Variants in VPS41 observed in about 807,000 individuals in gnomAD.
The protein encoded by VPS41 is vacuolar protein sorting-associated protein 41 homolog.
In VPS41, 85 loss-of-function variants were observed where a neutral mutation model predicts 130.9. The observed-to-expected ratio is 0.65, with a 90% CI of 0.55 to 0.78. VPS41 has a LOEUF of 0.78. VPS41 is among the 30% of genes least tolerant of loss of function. The probability of loss-of-function intolerance (pLI) is 0.00; values close to 1 mark genes in which losing one functional copy is unlikely to be tolerated. For missense variants in VPS41, 874 were observed against 1,018.7 expected (o/e 0.86, Z 1.93); for synonymous variants, 335 against 332.9 (o/e 1.01, Z -0.07).
chr7:38,728,689 C>T lies in VPS41; in HGVS notation c.2359+3G>A, dbSNP rs758282791. The T allele has an allele frequency of 6.2e-7, 1 of 1,614,074 alleles. No homozygotes were observed. Among genetic ancestry groups the T allele is most frequent in the Admixed American group, 1.7e-5 (1 of 60,014 alleles). On this transcript the variant is annotated splice_donor_region_variant and intron_variant, in intron 26 of 28. Coordinates refer to ENST00000310301, the MANE Select transcript of VPS41 (RefSeq NM_014396.4). ...TCCATATGATTATTTCAATTTTACC[C>T]ACCATCAACAAGAACACCTTTCATT...
At chr7:38,825,514 A>G (rs1785254378) in intron 5 of VPS41, among the ~76,000 whole-genome samples, 1 of 152,156 alleles carries the variant, frequency 6.6e-6, no homozygotes, top group African/African-American at 2.4e-5. Context: ...CTGTAAAGGG[A>G]ATCCCTCCGC....
At chr7:38,819,370 C>T (rs6968196) in intron 6 of VPS41, among the ~76,000 whole-genome samples, 91,617 of 152,044 alleles carry the variant, frequency 0.6, 28,366 homozygotes, top group East Asian at 0.89. Flanking sequence ...TTTTCCTCTT[C>T]ACTGGTTTTT....
chr7:38,849,122 T>C (rs1035831260), intron 4 of VPS41, among the ~76,000 whole-genome samples: 2 of 152,112 alleles, frequency 1.3e-5, no homozygotes, highest in East Asian at 1.9e-4. Context: ...ATACAAAGAA[T>C]ATTGAAACAG....
chr7:38,770,135 G>A (rs1784125973), intron 14 of VPS41, among the ~76,000 whole-genome samples: 1 of 152,226 alleles, frequency 6.6e-6, no homozygotes, highest in Admixed American at 6.5e-5. Flanking sequence ...CAGGTGTGGT[G>A]GCGCATGCCT....
intron 5 of VPS41, among the ~76,000 whole-genome samples, chr7:38,826,177 G>A (rs1463198016): frequency 2.6e-5 from 4 of 152,108 alleles, no homozygotes; most frequent in African/African-American, 7.2e-5. Context: ...ATTTAGTTAC[G>A]GGAAACTGAG....
intron 25 of VPS41, among the ~76,000 whole-genome samples, chr7:38,740,578 C>T (rs1430719271): frequency 6.6e-6 from 1 of 152,166 alleles, no homozygotes; most frequent in Non-Finnish European, 1.5e-5. Flanking sequence ...GAAATATATG[C>T]CTATATATCG....
At chr7:38,776,859 G>T in intron 10 of VPS41, 83 bp from the exon 11 acceptor site, 2 of 691,666 alleles carry the variant, frequency 2.9e-6, no homozygotes, top group Non-Finnish European at 5.1e-6. Flanking sequence ...GACTGTGAAT[G>T]CTAGTGGACC....
intron 8 of VPS41, 55 bp from the exon 9 acceptor site, chr7:38,795,666 A>G: frequency 6.7e-7 from 1 of 1,493,068 alleles, no homozygotes; most frequent in Non-Finnish European, 9.1e-7. Flanking sequence ...GTAACAGAAA[A>G]CTTATTAACA....
chr7:38,902,423 T>C (rs1053609366), intron 1 of VPS41, among the ~76,000 whole-genome samples: 4 of 152,228 alleles, frequency 2.6e-5, no homozygotes, highest in Admixed American at 2.6e-4. Context: ...ATCAGTGGCC[T>C]GGGGTCTGGA....
At chr7:38,824,572 C>T (rs1785233652) in intron 5 of VPS41, among the ~76,000 whole-genome samples, 1 of 152,120 alleles carries the variant, frequency 6.6e-6, no homozygotes, top group Non-Finnish European at 1.5e-5. Flanking sequence ...TACATGCTAT[C>T]TTTATATAGG....
chr7:38,733,270 C>T (rs1312378856), intron 25 of VPS41, among the ~76,000 whole-genome samples: 1 of 152,154 alleles, frequency 6.6e-6, no homozygotes, highest in African/African-American at 2.4e-5. Context: ...ACTTTTACAA[C>T]TTATTATTTT....
At chr7:38,809,355 T>C (rs1444558010) in intron 7 of VPS41, among the ~76,000 whole-genome samples, 1 of 146,704 alleles carries the variant, frequency 6.8e-6, no homozygotes, top group Non-Finnish European at 1.5e-5. Context: ...GTATATTTTA[T>C]ATATATATAT....
chr7:38,810,776 T>C (rs1408988913), intron 7 of VPS41, among the ~76,000 whole-genome samples: 2 of 152,188 alleles, frequency 1.3e-5, no homozygotes, highest in Non-Finnish European at 2.9e-5. Context: ...ATCTGACATA[T>C]GTCTTTATTC....
At chr7:38,905,985 G>A (rs1291148388) in intron 1 of VPS41, among the ~76,000 whole-genome samples, 4 of 151,546 alleles carry the variant, frequency 2.6e-5, no homozygotes, top group East Asian at 1.9e-4. Flanking sequence ...TAGTAGTGAC[G>A]GGGTTTCACC....
At chr7:38,773,928 T>A (rs1438939804) in intron 12 of VPS41, among the ~76,000 whole-genome samples, 187 bp downstream of exon 12, 1 of 152,186 alleles carries the variant, frequency 6.6e-6, no homozygotes, top group Admixed American at 6.5e-5. Flanking sequence ...CCTTTTACTA[T>A]AGGAGCTTAT....
intron 14 of VPS41, among the ~76,000 whole-genome samples, chr7:38,769,940 G>A (rs751408538): frequency 2.2e-4 from 34 of 152,048 alleles, no homozygotes; most frequent in Non-Finnish European, 2.5e-4. Flanking sequence ...AATTACGAAC[G>A]GCACTTCAGG....
chr7:38,782,961 A>G (rs1051435037), intron 10 of VPS41, among the ~76,000 whole-genome samples: 7 of 151,922 alleles, frequency 4.6e-5, no homozygotes, highest in Non-Finnish European at 8.8e-5. Flanking sequence ...TATTAAACAT[A>G]TAAAAATTAG....
At chr7:38,874,330 A>C (rs941330462) in intron 2 of VPS41, among the ~76,000 whole-genome samples, 1 of 152,166 alleles carries the variant, frequency 6.6e-6, no homozygotes, top group African/African-American at 2.4e-5. Context: ...CTTTATTAAA[A>C]TCCATTTTGT....
intron 4 of VPS41, among the ~76,000 whole-genome samples, chr7:38,839,959 G>C (rs1785576094): frequency 6.6e-6 from 1 of 152,202 alleles, no homozygotes. Flanking sequence ...AAGGGCTCCA[G>C]CCAGTTCCCC....
Sources: allele counts gnomAD v4.1 joint callset (sites outside exome capture counted in the v4.1 genomes callset), GRCh38; gene constraint gnomAD v4.1.1; transcripts MANE v1.5; gene names NCBI Gene and HGNC (gene_info 2026-07-23, HGNC 2026-07-21).